The following GNA12 variants were observed in gnomAD, a reference collection of about 807,000 sequenced individuals.
GNA12 encodes the protein G protein subunit alpha 12, also known as guanine nucleotide-binding protein subunit alpha-12.
GNA12 carries 9 observed loss-of-function variants against 26.0 expected under a neutral mutation model. The ratio of observed to expected loss-of-function variants is 0.35; its 90% CI spans 0.21 to 0.60. The LOEUF (loss-of-function observed/expected upper bound fraction) is 0.60, where lower values mean the gene tolerates loss of function less well. Ranked by LOEUF, GNA12 falls within the 20% of genes least tolerant of loss-of-function variation. GNA12 has a pLI of 0.78. For synonymous variants in GNA12, 264 were observed against 219.6 expected (o/e 1.20, Z -1.79); for missense variants, 405 against 525.8 (o/e 0.77, Z 2.25).
intron 2 of GNA12, among the ~76,000 whole-genome samples, chr7:2,772,406 A>G (rs1289717544): frequency 6.6e-6 from 1 of 152,090 alleles, no homozygotes; most frequent in Non-Finnish European, 1.5e-5. Flanking sequence ...TAAAAATGCA[A>G]AAAATTAGCC....
At chr7:2,793,310 G>A (rs868112368) in intron 2 of GNA12, among the ~76,000 whole-genome samples, 2 of 146,058 alleles carry the variant, frequency 1.4e-5, no homozygotes, top group African/African-American at 2.7e-5. Flanking sequence ...GACAGGACGC[G>A]AGAGGAAGCA....
At chr7:2,776,362 C>T (rs552065659) in intron 2 of GNA12, among the ~76,000 whole-genome samples, 86 of 152,290 alleles carry the variant, frequency 5.6e-4, no homozygotes, top group African/African-American at 1.9e-3. Flanking sequence ...ATCTGGACAC[C>T]GACCGTCATT....
At chr7:2,817,941 C>T (rs1414886195) in intron 1 of GNA12, among the ~76,000 whole-genome samples, 4 of 152,012 alleles carry the variant, frequency 2.6e-5, no homozygotes, top group Non-Finnish European at 5.9e-5. Flanking sequence ...TTATTAGTTC[C>T]AAATGTATTA....
intron 2 of GNA12, among the ~76,000 whole-genome samples, chr7:2,741,220 G>A (rs576265341): frequency 1.3e-5 from 2 of 152,114 alleles, no homozygotes; most frequent in Non-Finnish European, 2.9e-5. Context: ...AGGTGTGGCG[G>A]CACGCACACC....
At chr7:2,785,297 C>T (rs1383427871) in intron 2 of GNA12, among the ~76,000 whole-genome samples, 1 of 152,188 alleles carries the variant, frequency 6.6e-6, no homozygotes, top group Non-Finnish European at 1.5e-5. Flanking sequence ...CTTCTCAAGC[C>T]TGTCTGGGTC....
chr7:2,738,241 C>T (rs903529524), intron 2 of GNA12, among the ~76,000 whole-genome samples: 1 of 151,816 alleles, frequency 6.6e-6, no homozygotes, highest in Non-Finnish European at 1.5e-5. Flanking sequence ...ATGGTGAAAC[C>T]CTGTCTGTAC....
At chr7:2,801,457 G>C (rs912817146) in intron 1 of GNA12, among the ~76,000 whole-genome samples, 13 of 152,148 alleles carry the variant, frequency 8.5e-5, no homozygotes, top group African/African-American at 2.9e-4. Context: ...CATAGGTTTG[G>C]CTTAAAAACA....
Position 2,762,944 on chromosome 7 carries a change from G to A in GNA12, c.526-29443C>T, listed in dbSNP as rs116761987. On this transcript the variant is annotated intron_variant, in intron 2 of 3. Coordinates refer to ENST00000275364, the MANE Select transcript of GNA12 (RefSeq NM_007353.3). The stretch of plus-strand genomic sequence containing the variant: ...GCGGGGACGCCCCAGACACTCCCGT[G>A]GGGCCCGTGCCAGGGTCTCCTGCTC... 3,204 of 1,380,384 alleles carry A rather than the reference G, an allele frequency of 2.3e-3. 82 individuals are homozygous for A. The African/African-American group carries it at 0.044, about 19-fold the overall frequency. The allele number at this position is 1,380,384 out of a possible 1,614,324, so 85.5% of individuals were successfully genotyped here.
Position 2,729,505 on chromosome 7 carries a change from G to C in GNA12, c.*1676C>G, listed in dbSNP as rs1008718370. 12 of 152,404 alleles carry C rather than the reference G, an allele frequency of 7.9e-5. No homozygotes were observed. Among genetic ancestry groups the C allele is most frequent in the African/African-American group, 2.9e-4 (12 of 41,466 alleles). 9.4% of individuals were successfully genotyped at this position (152,404 alleles called of 1,614,324 possible). On this transcript the variant is annotated 3_prime_UTR_variant, in exon 4 of 4. Coordinates refer to ENST00000275364, the MANE Select transcript of GNA12 (RefSeq NM_007353.3). ...ACAGCCTCGAGCACTGCGAGAGAGA[G>C]TTCCATGCTGTCTCCCGATGAGAAC... is the stretch of plus-strand genomic sequence containing the variant.
intron 1 of GNA12, among the ~76,000 whole-genome samples, chr7:2,813,725 T>C (rs965816241): frequency 1.3e-5 from 2 of 152,206 alleles, no homozygotes; most frequent in African/African-American, 4.8e-5. Flanking sequence ...GATCTGGGAA[T>C]CTGGGGCCAC....
Position 2,737,269 on chromosome 7 carries a change from G to GTTTTTTTTTTTTTTTTTTTTTT in GNA12, c.526-3769_526-3768insAAAAAAAAAAAAAAAAAAAAAA, listed in dbSNP as rs1317020597. ...CATTCAGGAGCTATCTCACAGTTTT[G>GTTTTTTTTTTTTTTTTTTTTTT]TTTTGTTTTTTTTTTTTTTGTTTTT... On this transcript the variant is annotated intron_variant, in intron 2 of 3. Coordinates refer to ENST00000275364, the MANE Select transcript of GNA12 (RefSeq NM_007353.3). Among the ~76,000 whole-genome samples, 7 of 38,104 alleles carry GTTTTTTTTTTTTTTTTTTTTTT rather than the reference G, an allele frequency of 1.8e-4. 1 individual carries two copies. Among genetic ancestry groups the GTTTTTTTTTTTTTTTTTTTTTT allele is most frequent in the African/African-American group, 4.7e-4 (5 of 10,680 alleles). The allele number at this position is 38,104 out of a possible 152,430, so 25.0% of individuals were successfully genotyped here.
chr7:2,776,466 C>T (rs997418488), intron 2 of GNA12, among the ~76,000 whole-genome samples: 14 of 152,144 alleles, frequency 9.2e-5, no homozygotes, highest in African/African-American at 2.4e-4. Flanking sequence ...AGCAGCGGAA[C>T]GGGGAGTTAA....
At chr7:2,827,763 G>A (rs759224623) in intron 1 of GNA12, among the ~76,000 whole-genome samples, 11 of 152,118 alleles carry the variant, frequency 7.2e-5, no homozygotes, top group Non-Finnish European at 1.5e-4. Context: ...ACATACCAAA[G>A]AAAATATTCA....
At chr7:2,809,013 G>T (rs1583298949) in intron 1 of GNA12, among the ~76,000 whole-genome samples, 1 of 152,156 alleles carries the variant, frequency 6.6e-6, no homozygotes, top group Non-Finnish European at 1.5e-5. Flanking sequence ...ACTGGGGCAG[G>T]GAAGCTTCTC....
intron 1 of GNA12, among the ~76,000 whole-genome samples, chr7:2,817,742 C>A (rs150863435): frequency 3.9e-5 from 6 of 152,214 alleles, no homozygotes; most frequent in African/African-American, 1.4e-4. Flanking sequence ...CTGGTCTAAG[C>A]AGTTTGGTTC....
intron 2 of GNA12, among the ~76,000 whole-genome samples, chr7:2,761,726 G>T (rs913048645): frequency 6.6e-6 from 1 of 152,164 alleles, no homozygotes; most frequent in Non-Finnish European, 1.5e-5. Context: ...AAAAAACAAT[G>T]AAGAGTTGAC....
At chr7:2,778,916 C>T (rs746073444) in intron 2 of GNA12, among the ~76,000 whole-genome samples, 1 of 152,134 alleles carries the variant, frequency 6.6e-6, no homozygotes, top group Non-Finnish European at 1.5e-5. Flanking sequence ...ATACTACCAC[C>T]CTTTGAAACT....
chr7:2,835,745 T>C, intron 1 of GNA12: 78 of 632,872 alleles, frequency 1.2e-4, no homozygotes, highest in Non-Finnish European at 1.8e-4. Flanking sequence ...GAAATAGAAG[T>C]AAAACAGAAA....
chr7:2,813,203 T>C (rs1351276340), intron 1 of GNA12, among the ~76,000 whole-genome samples: 4 of 152,232 alleles, frequency 2.6e-5, no homozygotes, highest in Non-Finnish European at 5.9e-5. Flanking sequence ...GGTAATTGTT[T>C]CCCCTTCTAT....
Sources: gnomAD v4.1 joint callset for allele counts (sites outside exome capture counted in the v4.1 genomes callset) on GRCh38, gnomAD v4.1.1 for gene constraint, MANE v1.5 for transcripts, NCBI Gene and HGNC (gene_info 2026-07-23, HGNC 2026-07-21) for gene names.